The following TAOK1 variants were observed in gnomAD, a reference collection of about 807,000 sequenced individuals.
TAOK1 encodes the protein serine/threonine-protein kinase TAO1.
Under a neutral mutation model 138.3 loss-of-function variants are expected in TAOK1, and 21 were observed. That is an observed-to-expected ratio of 0.15 (90% CI 0.11 to 0.22). The LOEUF is 0.22. TAOK1 is among the 10% of genes least tolerant of loss of function. TAOK1 has a pLI of 1.00. For synonymous variants in TAOK1, 361 were observed against 398.4 expected (o/e 0.91, Z 1.12); for missense variants, 651 against 1,227.7 (o/e 0.53, Z 7.02).
At chr17:29,481,305 T>C (rs2031058118) in intron 7 of TAOK1, among the ~76,000 whole-genome samples, 1 of 151,874 alleles carries the variant, frequency 6.6e-6, no homozygotes, top group African/African-American at 2.4e-5. Flanking sequence ...GCGATTCTCC[T>C]GCCTCAGCCT....
intron 1 of TAOK1, among the ~76,000 whole-genome samples, chr17:29,409,333 A>ATATATATT (rs1348702470): frequency 8.1e-4 from 48 of 59,032 alleles, no homozygotes; most frequent in African/African-American, 3.1e-3. Context: ...ATATATATAT[A>ATATATATT]TTTTTTTTTT....
chr17:29,417,468 TA>T (rs1905296662), intron 1 of TAOK1, among the ~76,000 whole-genome samples: 1 of 152,230 alleles, frequency 6.6e-6, no homozygotes, highest in Non-Finnish European at 1.5e-5. Flanking sequence ...AGTTTATTCT[TA>T]AATGTACAAC....
At position 29,400,596 on chromosome 17, in the gene TAOK1, G is replaced by A. The variant is rs118191117; in HGVS notation, c.-95+9572G>A. On this transcript the variant is annotated intron_variant, in intron 1 of 19. Coordinates refer to ENST00000261716, the MANE Select transcript of TAOK1 (RefSeq NM_020791.4). Reference sequence around the variant, plus strand: ...TGTCCTTACCTTGAAAGTGCCTTACGTTCCAAAATGTATTAATTCAACAAA... The same window carrying A: ...TGTCCTTACCTTGAAAGTGCCTTACATTCCAAAATGTATTAATTCAACAAA... Among the ~76,000 whole-genome samples, 700 of 151,942 alleles carry A rather than the reference G, an allele frequency of 4.6e-3. 6 individuals are homozygous for A. Among genetic ancestry groups the A allele is most frequent in the Non-Finnish European group, 7.7e-3 (525 of 67,934 alleles).
intron 12 of TAOK1, among the ~76,000 whole-genome samples, chr17:29,499,519 A>C (rs1181298238): frequency 1.3e-5 from 2 of 150,632 alleles, no homozygotes; most frequent in East Asian, 3.9e-4. Context: ...GGTGTGAGCC[A>C]CTGCGCCAAG....
At chr17:29,401,797 C>T (rs7210089) in intron 1 of TAOK1, among the ~76,000 whole-genome samples, 36,861 of 151,842 alleles carry the variant, frequency 0.24, 5,107 homozygotes, top group East Asian at 0.65. Flanking sequence ...TGTGCCACCA[C>T]GCCTGGCTAA....
intron 19 of TAOK1, among the ~76,000 whole-genome samples, chr17:29,538,737 C>G (rs2032265645): frequency 6.6e-6 from 1 of 152,126 alleles, no homozygotes; most frequent in African/African-American, 2.4e-5. Context: ...ACAAAATGAG[C>G]CTCACATGTA....
At chr17:29,538,088 G>A (rs552560326) in intron 19 of TAOK1, among the ~76,000 whole-genome samples, 99 of 147,184 alleles carry the variant, frequency 6.7e-4, no homozygotes, top group Non-Finnish European at 1.3e-3. Flanking sequence ...CTCCAGCCTG[G>A]CGACAGAGCA....
intron 1 of TAOK1, among the ~76,000 whole-genome samples, chr17:29,398,849 A>G (rs1904744756): frequency 6.6e-6 from 1 of 151,876 alleles, no homozygotes; most frequent in Non-Finnish European, 1.5e-5. Context: ...TGAAGATAGT[A>G]TATACTGGGT....
chr17:29,499,262 ACT>A (rs2031470103), intron 12 of TAOK1, among the ~76,000 whole-genome samples: 1 of 132,974 alleles, frequency 7.5e-6, no homozygotes, highest in Non-Finnish European at 1.6e-5. Context: ...ACGGAGTCTC[ACT>A]CTGTCACCCA....
At chr17:29,476,303 G>A (rs1417936855) in intron 4 of TAOK1, among the ~76,000 whole-genome samples, 4 of 152,156 alleles carry the variant, frequency 2.6e-5, no homozygotes, top group Non-Finnish European at 5.9e-5. Context: ...ATAAGTCACA[G>A]CTAAGTATCA....
At chr17:29,424,794 C>A (rs770798733) in intron 1 of TAOK1, 1 of 152,034 alleles carries the variant, frequency 6.6e-6, no homozygotes, top group Non-Finnish European at 1.5e-5. Context: ...ATTTGTATGT[C>A]ATCCTTGCTC....
intron 1 of TAOK1, among the ~76,000 whole-genome samples, chr17:29,425,116 C>T (rs759765838): frequency 2.0e-5 from 3 of 152,216 alleles, no homozygotes; most frequent in Non-Finnish European, 4.4e-5. Flanking sequence ...GTCTCCCAGG[C>T]TGGAGTGCAG....
intron 18 of TAOK1, among the ~76,000 whole-genome samples, chr17:29,531,993 TGAGACTACAGGCGCA>T (rs2032121882): frequency 6.6e-6 from 1 of 151,690 alleles, no homozygotes; most frequent in African/African-American, 2.4e-5. Flanking sequence ...CCCGAATAGC[TGAGACTACAGGCGCA>T]TGCCACCAAG....
intron 1 of TAOK1, among the ~76,000 whole-genome samples, chr17:29,448,735 A>T (rs2030157609): frequency 6.6e-6 from 1 of 152,216 alleles, no homozygotes; most frequent in South Asian, 2.1e-4. Flanking sequence ...TGTGGAAGTG[A>T]AATCATTTTT....
In TAOK1 at chr17:29,547,484, T is replaced by G. The variant is rs2032420236; in HGVS notation, c.*4462T>G. The stretch of plus-strand genomic sequence containing the variant: ...TGCCCCAACACATTAACTTTTTCCT[T>G]GGAGATTTATATGGTCCTGCATTTT... On this transcript the variant is annotated 3_prime_UTR_variant, in exon 20 of 20. Transcript: ENST00000261716. 1 of 152,134 alleles carries G rather than the reference T, an allele frequency of 6.6e-6. No homozygotes were observed. Among genetic ancestry groups the G allele is most frequent in the South Asian group, 2.1e-4 (1 of 4,832 alleles). 9.4% of individuals were successfully genotyped at this position (152,134 alleles called of 1,614,324 possible).
chr17:29,487,671 G>A (rs2031201778), intron 8 of TAOK1, among the ~76,000 whole-genome samples: 1 of 151,908 alleles, frequency 6.6e-6, no homozygotes, highest in African/African-American at 2.4e-5. Flanking sequence ...AGTTTAAAAA[G>A]GTTTCTACTG....
At chr17:29,527,876 A>G (rs73278640) in intron 17 of TAOK1, among the ~76,000 whole-genome samples, 4,177 of 152,274 alleles carry the variant, frequency 0.027, 163 homozygotes, top group African/African-American at 0.095. Context: ...TGATTAACCA[A>G]ACACTAAAGC....
intron 17 of TAOK1, among the ~76,000 whole-genome samples, chr17:29,529,065 G>A (rs946146050): frequency 6.7e-6 from 1 of 150,196 alleles, no homozygotes; most frequent in Non-Finnish European, 1.5e-5. Context: ...TTGAACTCCT[G>A]GGCTCAAGTG....
intron 1 of TAOK1, among the ~76,000 whole-genome samples, chr17:29,397,684 CATGTAT>C (rs1555555372): frequency 7.8e-6 from 1 of 128,116 alleles, no homozygotes. Flanking sequence ...TACATGTATA[CATGTAT>C]ATTCATGTAT....
Sources: gnomAD v4.1 joint callset for allele counts (sites outside exome capture counted in the v4.1 genomes callset) on GRCh38, gnomAD v4.1.1 for gene constraint, MANE v1.5 for transcripts, NCBI Gene and HGNC (gene_info 2026-07-23, HGNC 2026-07-21) for gene names.